Variants in DGKD observed in about 807,000 individuals in gnomAD.
The protein encoded by DGKD is DAG kinase delta.
Under a neutral mutation model 154.4 loss-of-function variants are expected in DGKD, and 68 were observed. The observed-to-expected ratio is 0.44, with a 90% CI of 0.36 to 0.54. The LOEUF (loss-of-function observed/expected upper bound fraction) is 0.54, where lower values mean the gene tolerates loss of function less well. Ranked by LOEUF, DGKD falls within the 20% of genes least tolerant of loss-of-function variation. The pLI, the probability that DGKD is intolerant of heterozygous loss-of-function variation, is 0.00. For missense variants in DGKD, 1,343 were observed against 1,593.6 expected (o/e 0.84, Z 2.68); for synonymous variants, 693 against 638.0 (o/e 1.09, Z -1.30).
At chr2:233,386,148 G>C (rs1392692188) in intron 1 of DGKD, 1 of 290,640 alleles carries the variant, frequency 3.4e-6, no homozygotes, top group African/African-American at 2.3e-5. Context: ...GTTTTGGGTT[G>C]TTGGTTTTGT....
chr2:233,446,833 CTGATG>C, intron 12 of DGKD, 37 bp downstream of exon 12: 2 of 1,608,176 alleles, frequency 1.2e-6, no homozygotes, highest in Admixed American at 1.7e-5. Context: ...TGCTCGCATG[CTGATG>C]TGATCAGAAC....
rs557687267 is a variant in DGKD at position 233,445,727 on chromosome 2, G to A, written c.1299G>A (p.Glu433=). ...ACACCCAGCTCCCCCAGATCTTGGA[G>A]AAGTTGGAGAGAGCCAGCACCAAGA... ...DDDTQLPQIL[E]KLERASTKML... The change falls in exon 11 of 30, where the codon GAG becomes GAA. Residue 433 remains glutamate (E), a synonymous_variant. Transcript: ENST00000264057. The surrounding 1 kb of genome is among the most constrained non-coding windows in gnomAD (Gnocchi z 5.5). 26 of 1,613,532 alleles carry A rather than the reference G, an allele frequency of 1.6e-5. No individual in the cohort carries two copies. In the South Asian group the frequency reaches 2.6e-4, roughly 16 times the overall value.
intron 1 of DGKD, among the ~76,000 whole-genome samples, chr2:233,359,013 G>A (rs1439758641): frequency 6.6e-6 from 1 of 152,206 alleles, no homozygotes; most frequent in African/African-American, 2.4e-5. Context: ...TGTGTATGAG[G>A]AGGGTTCCAA....
Position 233,438,395 on chromosome 2 carries a change from AAT to A in DGKD, c.1085+21_1085+22del. On this transcript the variant is annotated intron_variant, in intron 9 of 29. Coordinates refer to ENST00000264057, the MANE Select transcript of DGKD (RefSeq NM_152879.3). This position sits in a 1 kb window ranked among gnomAD's most constrained non-coding sequence, Gnocchi z 4.1. ...CACACCTCGGGTAGGAAGCTTGTAA[AAT>A]ATATCTTTCTTGGAGTTTTAAAAAT... is the stretch of plus-strand genomic sequence containing the variant. 6.3e-7 allele frequency: 1 copy of A among 1,597,776 alleles called. No individual in the cohort carries two copies. Among genetic ancestry groups the A allele is most frequent in the South Asian group, 1.1e-5 (1 of 89,154 alleles).
At chr2:233,397,090 A>T (rs28437842) in intron 3 of DGKD, among the ~76,000 whole-genome samples, 6 of 126,204 alleles carry the variant, frequency 4.8e-5, no homozygotes, top group East Asian at 2.7e-4. Context: ...GTGAGAGGAC[A>T]CCAGAGGGGA....
At chr2:233,434,960 A>G (rs1488405236) in intron 5 of DGKD, 59 bp downstream of exon 5, 3 of 1,565,730 alleles carry the variant, frequency 1.9e-6, no homozygotes, top group Admixed American at 1.8e-5. Context: ...TACTTGATAA[A>G]GCCTTGGAAA....
At chr2:233,397,024 GGGGC>G (rs2061413916) in intron 3 of DGKD, among the ~76,000 whole-genome samples, 1 of 18,974 alleles carries the variant, frequency 5.3e-5, no homozygotes, top group Non-Finnish European at 1.1e-4. Context: ...GCTGGGGGGG[GGGGC>G]GCCAGAGTGA....
At chr2:233,450,247 G>C in intron 16 of DGKD, 116 bp downstream of exon 16, 3 of 1,345,628 alleles carry the variant, frequency 2.2e-6, no homozygotes, top group Non-Finnish European at 3.0e-6. Flanking sequence ...TGGCCACTTG[G>C]TTACATAAAA....
chr2:233,381,226 G>A (rs1025204210), intron 1 of DGKD, among the ~76,000 whole-genome samples: 2 of 152,230 alleles, frequency 1.3e-5, no homozygotes, highest in African/African-American at 4.8e-5. Context: ...CACCTTGGGC[G>A]TGCACACTCC....
chr2:233,458,307 T>C lies in DGKD; in HGVS notation c.2604T>C (p.Asp868=). The change falls in exon 22 of 30, where the codon GAT becomes GAC. Residue 868 remains aspartate (D), a synonymous_variant. Transcript: ENST00000264057. The surrounding 1 kb of genome is among the most constrained non-coding windows in gnomAD (Gnocchi z 6.6). ...AGACTTTCGCAGCTCCATCATTCGA[T>C]GACAAGATTCTGGAGGTGGTCGCCG... ...EDDTFAAPSF[D]DKILEVVAVF... The C allele has an allele frequency of 1.2e-6, 2 of 1,612,780 alleles. No individual in the cohort carries two copies. The highest frequency in any genetic ancestry group is 1.7e-6 in the Non-Finnish European group (2 of 1,179,644).
intron 3 of DGKD, among the ~76,000 whole-genome samples, chr2:233,431,799 T>TC (rs1172603642): frequency 6.6e-6 from 1 of 152,234 alleles, no homozygotes; most frequent in Non-Finnish European, 1.5e-5. Flanking sequence ...GACTCCCATT[T>TC]ATTGCCATAT....
At chr2:233,376,019 C>T (rs1383560446) in intron 1 of DGKD, among the ~76,000 whole-genome samples, 1 of 152,046 alleles carries the variant, frequency 6.6e-6, no homozygotes, top group Non-Finnish European at 1.5e-5. Context: ...GATTTCATTC[C>T]ACAGCTCGAT....
intron 1 of DGKD, among the ~76,000 whole-genome samples, chr2:233,364,615 C>T (rs1701938139): frequency 6.6e-6 from 1 of 151,892 alleles, no homozygotes; most frequent in Non-Finnish European, 1.5e-5. Flanking sequence ...GTGTGGTGGC[C>T]ACCAAAATTG....
At position 233,457,163 on chromosome 2, in the gene DGKD, A is replaced by G; in HGVS notation, c.2473-58A>G. On this transcript the variant is annotated intron_variant, in intron 20 of 29. Transcript: ENST00000264057. The surrounding 1 kb of genome is among the most constrained non-coding windows in gnomAD (Gnocchi z 5.5). ...CCCTGGCGGTGGGAAGCTGGTAGAG[A>G]AGGAGGGGCTGACTCATACCTTTCT... The G allele has an allele frequency of 7.1e-7, 1 of 1,417,912 alleles. No homozygotes were observed. Among genetic ancestry groups the G allele is most frequent in the Non-Finnish European group, 9.6e-7 (1 of 1,038,602 alleles). 87.8% of individuals were successfully genotyped at this position (1,417,912 alleles called of 1,614,324 possible).
chr2:233,419,533 C>T (rs1463762952), intron 3 of DGKD: 1 of 770,948 alleles, frequency 1.3e-6, no homozygotes, highest in African/African-American at 1.9e-5. Flanking sequence ...GTAAGATGCT[C>T]CAGAGGGTTG....
At position 233,434,876 on chromosome 2, in the gene DGKD, C is replaced by T; in HGVS notation, c.561C>T (p.Val187=). 6.2e-7 allele frequency: 1 copy of T among 1,614,014 alleles called. No homozygotes were observed. The highest frequency in any genetic ancestry group is 1.1e-5 in the South Asian group (1 of 91,074). ...CNVCREALSG[V]TSHGLSCEVC... is the part of the protein sequence containing the mutation. ...TGTGCCGTGAGGCTCTGTCTGGGGT[C>T]ACGTCGCACGGGCTGTCCTGCGAGG... The change falls in exon 5 of 30, where the codon GTC becomes GTT. Residue 187 remains valine (V), a synonymous_variant. Coordinates refer to ENST00000264057, the MANE Select transcript of DGKD (RefSeq NM_152879.3).
At chr2:233,379,640 C>G (rs1157275790) in intron 1 of DGKD, among the ~76,000 whole-genome samples, 1 of 152,090 alleles carries the variant, frequency 6.6e-6, no homozygotes, top group Non-Finnish European at 1.5e-5. Context: ...ATGAAATCCT[C>G]CCGTTGAGAG....
At position 233,458,291 on chromosome 2, in the gene DGKD, C is replaced by T. The variant is rs200188552; in HGVS notation, c.2588C>T (p.Ala863Val). 3.7e-5 allele frequency: 60 copies of T among 1,611,936 alleles called. No homozygotes were observed. The highest frequency in any genetic ancestry group is 2.2e-5 in the South Asian group (2 of 90,958). ...CTAACGTGTCCCTTGCAGACTTTCG[C>T]AGCTCCATCATTCGATGACAAGATT... ...WGGTKEDDTF[A>V]APSFDDKILE... The change falls in exon 22 of 30, where the codon GCA (alanine) becomes GTA (valine). Residue 863 changes from alanine to valine, a missense_variant. This residue lies in a region of DGKD where 429 missense variants were observed against 496.3 expected (regional missense o/e 0.86). Coordinates refer to ENST00000264057, the MANE Select transcript of DGKD (RefSeq NM_152879.3). This position sits in a 1 kb window ranked among gnomAD's most constrained non-coding sequence, Gnocchi z 6.6.
chr2:233,432,519 T>G (rs1026182840), intron 3 of DGKD, among the ~76,000 whole-genome samples: 2 of 151,434 alleles, frequency 1.3e-5, no homozygotes, highest in South Asian at 4.2e-4. Flanking sequence ...ATTAGCTGGG[T>G]GTGGTGGCGG....
Sources: allele counts gnomAD v4.1 joint callset (sites outside exome capture counted in the v4.1 genomes callset), GRCh38; gene constraint gnomAD v4.1.1; regional missense constraint gnomAD v4.1.1; non-coding constraint Gnocchi (gnomAD v3.1); transcripts MANE v1.5; gene names NCBI Gene and HGNC (gene_info 2026-07-23, HGNC 2026-07-21).